ATG14: variants seen among roughly 807,000 people sequenced by gnomAD.
ATG14 encodes autophagy related 14.
ATG14 carries 35 observed loss-of-function variants against 60.4 expected under a neutral mutation model. The ratio of observed to expected loss-of-function variants is 0.58; its 90% CI spans 0.44 to 0.77. The LOEUF (loss-of-function observed/expected upper bound fraction) is 0.77, where lower values mean the gene tolerates loss of function less well. ATG14 is among the 30% of genes least tolerant of loss of function. The pLI is 0.00. For synonymous variants in ATG14, 234 were observed against 228.8 expected (o/e 1.02, Z -0.21); for missense variants, 647 against 626.3 (o/e 1.03, Z -0.35).
At chr14:55,397,894 A>G (rs1213747429) in intron 1 of ATG14, among the ~76,000 whole-genome samples, 1 of 151,348 alleles carries the variant, frequency 6.6e-6, no homozygotes, top group African/African-American at 2.4e-5. Context: ...AGGCTAAAAA[A>G]TTACTTGTAA....
intron 1 of ATG14, among the ~76,000 whole-genome samples, chr14:55,403,839 G>A (rs1423435411): frequency 6.6e-6 from 1 of 152,076 alleles, no homozygotes. Flanking sequence ...TACAATGTTT[G>A]AGCTAAACAT....
intron 9 of ATG14, among the ~76,000 whole-genome samples, chr14:55,370,743 C>A (rs556657895): frequency 6.6e-6 from 1 of 151,284 alleles, no homozygotes; most frequent in African/African-American, 2.4e-5. Context: ...CAGGTGCAAG[C>A]GATTCTCCTG....
At chr14:55,402,929 ATATATATATATATATATATATATAT>A (rs1885428935) in intron 1 of ATG14, among the ~76,000 whole-genome samples, 6 of 16,368 alleles carry the variant, frequency 3.7e-4, no homozygotes, top group Non-Finnish European at 6.5e-4. Flanking sequence ...AAAAAAAAAT[ATATATATATATATATATATATATAT>A]ATATATATAT....
intron 7 of ATG14, among the ~76,000 whole-genome samples, chr14:55,380,191 T>C (rs1197895671): frequency 6.6e-6 from 1 of 152,096 alleles, no homozygotes; most frequent in Non-Finnish European, 1.5e-5. Flanking sequence ...GAGGTTGCAG[T>C]GAGCAGAGAT....
rs1395765601 is a variant in ATG14 at position 55,366,795 on chromosome 14, C to G, written c.*2824G>C. On this transcript the variant is annotated 3_prime_UTR_variant, in exon 10 of 10. Coordinates refer to ENST00000247178, the MANE Select transcript of ATG14 (RefSeq NM_014924.5). ...TATGGCTTTTTGTTTAAACAAAATA[C>G]CAGCTTCAATTTTTTAAAAAGCTGT... 6.6e-6 allele frequency: 1 copy of G among 152,430 alleles called. No individual in the cohort carries two copies. Among genetic ancestry groups the G allele is most frequent in the Non-Finnish European group, 1.5e-5 (1 of 68,018 alleles). The allele number at this position is 152,430 out of a possible 1,614,324, so 9.4% of individuals were successfully genotyped here.
At chr14:55,409,885 C>G (rs975995364) in intron 1 of ATG14, among the ~76,000 whole-genome samples, 2 of 152,042 alleles carry the variant, frequency 1.3e-5, no homozygotes, top group Non-Finnish European at 2.9e-5. Context: ...GGAGCAAGGA[C>G]GGAAGCAGAG....
At chr14:55,386,450 T>C (rs75738076) in intron 4 of ATG14, among the ~76,000 whole-genome samples, 1,561 of 152,284 alleles carry the variant, frequency 0.01, 27 homozygotes, top group African/African-American at 0.035. Context: ...TAATTCAAGT[T>C]TGAAAAACTT....
intron 3 of ATG14, chr14:55,395,086 T>A: frequency 2.0e-6 from 1 of 504,180 alleles, no homozygotes; most frequent in South Asian, 1.5e-5. Context: ...TGTTTGCACT[T>A]TTTTGTCTGA....
intron 2 of ATG14, 91 bp downstream of exon 2, chr14:55,397,281 C>T (rs1566584224): frequency 2.4e-5 from 26 of 1,082,026 alleles, no homozygotes; most frequent in Non-Finnish European, 1.4e-6. Flanking sequence ...AGTAAGTTAG[C>T]AATCCGTATA....
chr14:55,371,818 A>C (rs1032209138), intron 9 of ATG14, among the ~76,000 whole-genome samples: 2 of 149,966 alleles, frequency 1.3e-5, no homozygotes, highest in Non-Finnish European at 3.0e-5. Context: ...AACAAACAAA[A>C]AAACAAAGAG....
At chr14:55,406,725 A>G (rs74948877) in intron 1 of ATG14, among the ~76,000 whole-genome samples, 29 of 152,298 alleles carry the variant, frequency 1.9e-4, no homozygotes, top group African/African-American at 6.3e-4. Context: ...CTAACAAACT[A>G]TTCTTCTTAA....
At chr14:55,398,853 CA>C (rs199914247) in intron 1 of ATG14, among the ~76,000 whole-genome samples, 241 of 130,658 alleles carry the variant, frequency 1.8e-3, no homozygotes, top group African/African-American at 5.1e-3. Flanking sequence ...AGGGCATGGA[CA>C]AAAAAAAAAA....
chr14:55,394,634 G>A lies in ATG14; in HGVS notation c.327+1306C>T, dbSNP rs535308341. Among the ~76,000 whole-genome samples the A allele has an allele frequency of 8.5e-5, 13 of 152,226 alleles. No individual in the cohort carries two copies. In the South Asian group the frequency reaches 1.9e-3, roughly 22 times the overall value. ...GTTATTAGGAAAACAGGACTACCACGACCAAAGAGCTCACAGAGTGCACGA... is the reference window on the plus strand; with the variant it reads ...GTTATTAGGAAAACAGGACTACCACAACCAAAGAGCTCACAGAGTGCACGA... On this transcript the variant is annotated intron_variant, in intron 3 of 9. Transcript: ENST00000247178.
At chr14:55,400,891 G>A (rs1246433911) in intron 1 of ATG14, among the ~76,000 whole-genome samples, 1 of 150,164 alleles carries the variant, frequency 6.7e-6, no homozygotes, top group Admixed American at 6.6e-5. Flanking sequence ...GTGACAGAGT[G>A]AGACTGTCTC....
chr14:55,404,574 T>C (rs1885459559), intron 1 of ATG14, among the ~76,000 whole-genome samples: 1 of 152,322 alleles, frequency 6.6e-6, no homozygotes. Context: ...ATGAAAACTC[T>C]TTTGCATTAT....
In ATG14 at chr14:55,398,097, G is replaced by A. The variant is rs187627853; in HGVS notation, c.222-663C>T. 5.9e-3 allele frequency among the ~76,000 whole-genome samples: 895 copies of A among 152,012 alleles called. 6 individuals carry two copies. Among genetic ancestry groups the A allele is most frequent in the African/African-American group, 0.02 (840 of 41,498 alleles). Reference sequence around the variant, plus strand: ...CAAGCAGCTGGGACTACAGGCGCCTGCCACCATGCCCAGCTAATTTTGTTT... The same window carrying A: ...CAAGCAGCTGGGACTACAGGCGCCTACCACCATGCCCAGCTAATTTTGTTT... On this transcript the variant is annotated intron_variant, in intron 1 of 9. Coordinates refer to ENST00000247178, the MANE Select transcript of ATG14 (RefSeq NM_014924.5).
In ATG14 at chr14:55,369,335, T is replaced by G; in HGVS notation, c.*284A>C. On this transcript the variant is annotated 3_prime_UTR_variant, in exon 10 of 10. Coordinates refer to ENST00000247178, the MANE Select transcript of ATG14 (RefSeq NM_014924.5). ...GAGGGAACCCAAATCAACTGCTTCC[T>G]TGGCAGAACTGGCCACACGCACAGG... 1 of 246,474 alleles carries G rather than the reference T, an allele frequency of 4.1e-6. No homozygotes were observed. The highest frequency in any genetic ancestry group is 7.7e-6 in the Non-Finnish European group (1 of 129,798). The allele number at this position is 246,474 out of a possible 1,614,324, so 15.3% of individuals were successfully genotyped here. A position where few individuals can be genotyped will look rare whatever the true frequency, so the allele number is the denominator to read the frequency against.
chr14:55,399,349 G>T (rs1404166893), intron 1 of ATG14, among the ~76,000 whole-genome samples: 1 of 152,148 alleles, frequency 6.6e-6, no homozygotes, highest in African/African-American at 2.4e-5. Flanking sequence ...TGACTTACCG[G>T]ATGGTGTACA....
chr14:55,367,887 A>G lies in ATG14; in HGVS notation c.*1732T>C, dbSNP rs998362837. 1.3e-5 allele frequency: 2 copies of G among 152,494 alleles called. No individual in the cohort carries two copies. Among genetic ancestry groups the G allele is most frequent in the African/African-American group, 4.8e-5 (2 of 41,452 alleles). The allele number at this position is 152,494 out of a possible 1,614,324, so 9.4% of individuals were successfully genotyped here. A position where few individuals can be genotyped will look rare whatever the true frequency, so the allele number is the denominator to read the frequency against. ...CCCAAAACTATACAAAACACCAAAT[A>G]TACCATTAGCAAAAGCTATATAGCA... On this transcript the variant is annotated 3_prime_UTR_variant, in exon 10 of 10. Transcript: ENST00000247178.
Sources: gnomAD v4.1 joint callset for allele counts (sites outside exome capture counted in the v4.1 genomes callset) on GRCh38, gnomAD v4.1.1 for gene constraint, MANE v1.5 for transcripts, NCBI Gene and HGNC (gene_info 2026-07-23, HGNC 2026-07-21) for gene names.